HCFC2: variants seen among roughly 807,000 people sequenced by gnomAD.
The protein encoded by HCFC2 is host cell factor 2.
HCFC2 carries 18 observed loss-of-function variants against 89.2 expected under a neutral mutation model. The observed-to-expected ratio is 0.20, with a 90% CI of 0.14 to 0.30. The LOEUF is 0.30. Among genes scored for constraint, HCFC2 ranks in the 10% least tolerant of loss-of-function variants. HCFC2 has a pLI of 1.00. For synonymous variants in HCFC2, 308 were observed against 335.7 expected (o/e 0.92, Z 0.90); for missense variants, 578 against 956.1 (o/e 0.60, Z 5.21).
chr12:104,076,515 AT>A (rs1288216834), intron 3 of HCFC2, among the ~76,000 whole-genome samples: 1 of 152,264 alleles, frequency 6.6e-6, no homozygotes, highest in Non-Finnish European at 1.5e-5. Context: ...GTTTAAGCCT[AT>A]GCCACATTAG....
chr12:104,087,397 A>G (rs1205661943), intron 8 of HCFC2, among the ~76,000 whole-genome samples: 3 of 148,450 alleles, frequency 2.0e-5, no homozygotes, highest in African/African-American at 7.4e-5. Context: ...ACAAGCACAC[A>G]TATACTGCAG....
intron 12 of HCFC2, chr12:104,097,718 A>G (rs12298053): frequency 3.3e-5 from 25 of 759,000 alleles, no homozygotes; most frequent in Non-Finnish European, 4.0e-5. Flanking sequence ...AGTATAATTC[A>G]CTTACCACTA....
chr12:104,085,752 G>C (rs563526709), intron 7 of HCFC2, among the ~76,000 whole-genome samples: 2 of 148,956 alleles, frequency 1.3e-5, no homozygotes, highest in Non-Finnish European at 1.5e-5. Context: ...TTGATAGCAT[G>C]TAAAAGAGTA....
intron 9 of HCFC2, among the ~76,000 whole-genome samples, chr12:104,090,446 C>G (rs1019799381): frequency 6.6e-6 from 1 of 151,868 alleles, no homozygotes; most frequent in South Asian, 2.1e-4. Context: ...TCCCATTGTT[C>G]GGGAAACTCA....
intron 2 of HCFC2, among the ~76,000 whole-genome samples, chr12:104,067,089 G>A (rs566158980): frequency 3.3e-5 from 5 of 152,224 alleles, no homozygotes; most frequent in Admixed American, 3.3e-4. Context: ...GTGCTGTGCC[G>A]CAAATTCTTA....
intron 3 of HCFC2, among the ~76,000 whole-genome samples, chr12:104,073,011 G>T (rs1289751224): frequency 1.3e-5 from 2 of 151,632 alleles, no homozygotes; most frequent in Non-Finnish European, 2.9e-5. Flanking sequence ...CCTTGGTTTT[G>T]TTATTTATCT....
At chr12:104,088,688 A>G (rs1007801941) in intron 9 of HCFC2, among the ~76,000 whole-genome samples, 1 of 152,180 alleles carries the variant, frequency 6.6e-6, no homozygotes, top group African/African-American at 2.4e-5. Flanking sequence ...AAGACCAGTA[A>G]AGGCATAGGT....
Position 104,068,145 on chromosome 12 carries a change from AT to A in HCFC2, c.473+41del, listed in dbSNP as rs1453492819. The A allele has an allele frequency of 1.0e-5, 15 of 1,491,976 alleles. No homozygotes were observed. Among genetic ancestry groups the A allele is most frequent in the Non-Finnish European group, 1.3e-5 (15 of 1,114,854 alleles). 92.4% of individuals were successfully genotyped at this position (1,491,976 alleles called of 1,614,324 possible). ...TTTCAGACCAAATGCTTATTTTATG[AT>A]TTAGAGTAGGAACATTTTATTTTTT... On this transcript the variant is annotated intron_variant, in intron 3 of 14. Coordinates refer to ENST00000229330, the MANE Select transcript of HCFC2 (RefSeq NM_013320.3). The surrounding 1 kb of genome is among the most constrained non-coding windows in gnomAD (Gnocchi z 4.1).
intron 4 of HCFC2, 68 bp downstream of exon 4, chr12:104,079,721 T>C: frequency 5.9e-6 from 7 of 1,179,232 alleles, no homozygotes; most frequent in South Asian, 3.8e-5. Context: ...ATATTATTGA[T>C]TGCAGTATTT....
Position 104,064,769 on chromosome 12 carries a change from A to AT in HCFC2, c.163+46_163+47insT. The AT allele has an allele frequency of 6.6e-7, 1 of 1,511,828 alleles. No homozygotes were observed. Among genetic ancestry groups the AT allele is most frequent in the Non-Finnish European group, 8.8e-7 (1 of 1,131,046 alleles). The allele number at this position is 1,511,828 out of a possible 1,614,324, so 93.7% of individuals were successfully genotyped here. A position where few individuals can be genotyped will look rare whatever the true frequency, so the allele number is the denominator to read the frequency against. On this transcript the variant is annotated intron_variant, in intron 1 of 14. Transcript: ENST00000229330. This position sits in a 1 kb window ranked among gnomAD's most constrained non-coding sequence, Gnocchi z 7.3. ...TCGGCCCCGCCTGCTGGAGCTGCGG[A>AT]GGGGGAGGGGAGGCGAGGCGGCGGC...
At chr12:104,098,262 C>G in intron 12 of HCFC2, 81 bp from the exon 13 acceptor site, 1 of 1,050,944 alleles carries the variant, frequency 9.5e-7, no homozygotes, top group South Asian at 1.8e-5. Context: ...ACTTGTAGAT[C>G]ACTGCATGGA....
chr12:104,089,581 G>T (rs1396989379), intron 9 of HCFC2, among the ~76,000 whole-genome samples: 1 of 152,140 alleles, frequency 6.6e-6, no homozygotes, highest in Non-Finnish European at 1.5e-5. Flanking sequence ...TGTTGTTGAA[G>T]GGTCTACTTT....
At chr12:104,067,412 C>T (rs984606118) in intron 2 of HCFC2, among the ~76,000 whole-genome samples, 3 of 152,132 alleles carry the variant, frequency 2.0e-5, no homozygotes, top group Non-Finnish European at 2.9e-5. Flanking sequence ...ATCCCTAGGG[C>T]GGTGATCATG....
chr12:104,076,958 G>A (rs563237693), intron 3 of HCFC2, among the ~76,000 whole-genome samples: 4 of 152,188 alleles, frequency 2.6e-5, no homozygotes, highest in African/African-American at 9.6e-5. Context: ...ATTTGCATAT[G>A]TATATGTATA....
chr12:104,094,655 A>G (rs1884123193), intron 10 of HCFC2, among the ~76,000 whole-genome samples: 1 of 152,182 alleles, frequency 6.6e-6, no homozygotes, highest in Non-Finnish European at 1.5e-5. Context: ...TTATTTTATT[A>G]AAGTAGTGTG....
Position 104,080,837 on chromosome 12 carries a change from TG to T in HCFC2, c.767+9del. The T allele has an allele frequency of 6.3e-7, 1 of 1,574,902 alleles. No homozygotes were observed. On this transcript the variant is annotated splice_region_variant and intron_variant, in intron 5 of 14. Transcript: ENST00000229330. ...CCAGTGTTATAGGAAACAAGTATGG[TG>T]GTTTTTTGTATTTTGCTTCTGTTTT...
chr12:104,096,315 T>C, intron 11 of HCFC2, 45 bp from the exon 12 acceptor site: 1 of 1,280,162 alleles, frequency 7.8e-7, no homozygotes, highest in African/African-American at 1.5e-5. Context: ...TTAATGTATC[T>C]GATAAGTTAT....
chr12:104,090,456 A>G (rs1205132419), intron 9 of HCFC2, among the ~76,000 whole-genome samples: 1 of 151,834 alleles, frequency 6.6e-6, no homozygotes, highest in Non-Finnish European at 1.5e-5. Flanking sequence ...CGGGAAACTC[A>G]TGACCTTCAT....
At position 104,068,820 on chromosome 12, in the gene HCFC2, C is replaced by T. The variant is rs191903199; in HGVS notation, c.473+713C>T. ...ATGTTGGTTTTGTCTGCAAAGAATT[C>T]CTCTTTCCTTTGGGGAACTATACTG... On this transcript the variant is annotated intron_variant, in intron 3 of 14. Coordinates refer to ENST00000229330, the MANE Select transcript of HCFC2 (RefSeq NM_013320.3). The surrounding 1 kb of genome is among the most constrained non-coding windows in gnomAD (Gnocchi z 4.1). 1.3e-5 allele frequency among the ~76,000 whole-genome samples: 2 copies of T among 151,338 alleles called. No homozygotes were observed. Among genetic ancestry groups the T allele is most frequent in the East Asian group, 1.9e-4 (1 of 5,154 alleles).
Sources: gnomAD v4.1 joint callset for allele counts (sites outside exome capture counted in the v4.1 genomes callset) on GRCh38, gnomAD v4.1.1 for gene constraint, Gnocchi (gnomAD v3.1) non-coding constraint, MANE v1.5 for transcripts, NCBI Gene and HGNC (gene_info 2026-07-23, HGNC 2026-07-21) for gene names.